ITIH3: variants seen among roughly 807,000 people sequenced by gnomAD.
ITIH3 encodes inter-alpha-trypsin inhibitor heavy chain 3, also known as inter-alpha-trypsin inhibitor heavy chain H3.
In ITIH3, 81 loss-of-function variants were observed where a neutral mutation model predicts 96.5. That is an observed-to-expected ratio of 0.84 (90% CI 0.70 to 1.01). The LOEUF (loss-of-function observed/expected upper bound fraction) is 1.01, where lower values mean the gene tolerates loss of function less well. ITIH3 is among the 50% of genes least tolerant of loss of function. The pLI is 0.00. For missense variants in ITIH3, 1,057 were observed against 1,139.3 expected (o/e 0.93, Z 1.04); for synonymous variants, 422 against 445.2 (o/e 0.95, Z 0.66).
chr3:52,796,681 G>C (rs540985064), intron 3 of ITIH3, 34 bp downstream of exon 3: 2 of 1,606,008 alleles, frequency 1.2e-6, no homozygotes, highest in African/African-American at 1.3e-5. Context: ...CTCTGGGCTC[G>C]GGAACAGGGG....
Position 52,803,266 on chromosome 3 carries a change from TTTTATTTATTTA to T in ITIH3, c.1709+492_1709+503del, listed in dbSNP as rs146326248. On this transcript the variant is annotated intron_variant, in intron 13 of 21. Transcript: ENST00000449956. ...TGCGAGTGGCTGTTGTAGCCCCTTA[TTTTATTTATTTA>T]TTTATTTATTTATTTATTTATTTAT... is the stretch of plus-strand genomic sequence containing the variant. Among the ~76,000 whole-genome samples, 1,004 of 142,632 alleles carry T rather than the reference TTTTATTTATTTA, an allele frequency of 7.0e-3. 9 individuals carry two copies. The highest frequency in any genetic ancestry group is 0.021 in the African/African-American group (829 of 39,786). 93.6% of individuals were successfully genotyped at this position (142,632 alleles called of 152,430 possible).
In ITIH3 at chr3:52,797,190, G is replaced by A. The variant is rs1699621678; in HGVS notation, c.472G>A (p.Glu158Lys). 2 of 1,609,132 alleles carry A rather than the reference G, an allele frequency of 1.2e-6. No individual in the cohort carries two copies. The highest frequency in any genetic ancestry group is 2.7e-5 in the African/African-American group (2 of 74,960). The change falls in exon 5 of 22, where the codon GAG becomes AAG. Residue 158 changes from glutamate (E) to lysine (K), a missense_variant. Coordinates refer to ENST00000449956, the MANE Select transcript of ITIH3 (RefSeq NM_002217.4). ...AGTCACCTTCGAGCTAACCTACGAG[G>A]AGCTGCTGAAGAGGCACAAGGGCAA... is the stretch of plus-strand genomic sequence containing the variant. ...SKVTFELTYE[E>K]LLKRHKGKYE...
chr3:52,795,985 CA>C, intron 2 of ITIH3: 1 of 281,718 alleles, frequency 3.5e-6, no homozygotes, highest in African/African-American at 2.2e-5. Flanking sequence ...TAGAGCCTCT[CA>C]AAATTCAACA....
intron 7 of ITIH3, 130 bp from the exon 8 acceptor site, chr3:52,799,242 G>A: frequency 8.3e-7 from 1 of 1,197,892 alleles, no homozygotes; most frequent in South Asian, 1.5e-5. Flanking sequence ...GCCTGGTGCA[G>A]CACCCCCTAG....
rs764525489 is a variant in ITIH3 at position 52,808,115 on chromosome 3, T to C, written c.2437T>C (p.Phe813Leu). Residue 813 changes from phenylalanine (F) to leucine (L), a missense_variant, in exon 21 of 22, where the codon TTC (phenylalanine) becomes CTC (leucine). Coordinates refer to ENST00000449956, the MANE Select transcript of ITIH3 (RefSeq NM_002217.4). ...SAQTHGLLGQFFQPFDFKVSD... is the reference protein window; with the variant it reads ...SAQTHGLLGQLFQPFDFKVSD... ...ATGAATATTTTTCTTCCCAGGGCAA[T>C]TCTTCCAACCCTTTGACTTTAAAGT... 2 of 1,613,966 alleles carry C rather than the reference T, an allele frequency of 1.2e-6. No individual in the cohort carries two copies. Among genetic ancestry groups the C allele is most frequent in the African/African-American group, 2.7e-5 (2 of 74,938 alleles).
At chr3:52,796,905 AAAC>A (rs962349689) in intron 4 of ITIH3, 62 bp downstream of exon 4, 63 of 1,246,614 alleles carry the variant, frequency 5.1e-5, no homozygotes, top group South Asian at 4.8e-4. Flanking sequence ...TCAGGGCTAC[AAAC>A]AACAACAACA....
At chr3:52,799,153 GCTGGATCTAGTGCCATCAC>G (rs1699711448) in intron 7 of ITIH3, 62 bp downstream of exon 7, 2 of 1,581,588 alleles carry the variant, frequency 1.3e-6, no homozygotes. Flanking sequence ...GGGGGCTGCA[GCTGGATCTAGTGCCATCAC>G]CCTGGGTCCT....
intron 13 of ITIH3, 48 bp from the exon 14 acceptor site, chr3:52,803,807 C>A (rs1699937853): frequency 1.2e-6 from 2 of 1,601,960 alleles, no homozygotes; most frequent in African/African-American, 2.7e-5. Context: ...GGGAAGTGGG[C>A]AGGGTGCTGC....
Position 52,796,231 on chromosome 3 carries a change from C to G in ITIH3, c.115-250C>G, listed in dbSNP as rs116388986. ...CTGGACGGGAAAGGGCAAGCTCTCA[C>G]TGGCTGCAGTGGTGTGTAAACGGAT... On this transcript the variant is annotated intron_variant, in intron 2 of 21. Transcript: ENST00000449956. Among the ~76,000 whole-genome samples the G allele has an allele frequency of 5.0e-3, 760 of 152,306 alleles. 8 individuals are homozygous for G. The highest frequency in any genetic ancestry group is 0.018 in the African/African-American group (731 of 41,568).
chr3:52,807,671 C>T, intron 19 of ITIH3, 76 bp from the exon 20 acceptor site: 1 of 1,474,140 alleles, frequency 6.8e-7, no homozygotes, highest in Non-Finnish European at 9.2e-7. Context: ...GGAGGCCCCA[C>T]CAAAACGCCC....
intron 6 of ITIH3, among the ~76,000 whole-genome samples, 188 bp downstream of exon 6, chr3:52,798,118 GGCT>G (rs1699667661): frequency 6.6e-6 from 1 of 152,158 alleles, no homozygotes; most frequent in East Asian, 1.9e-4. Context: ...TGAGGGCAGG[GGCT>G]GCTGACAATG....
At chr3:52,804,388 C>A (rs1699961691) in intron 14 of ITIH3, 1 of 432,392 alleles carries the variant, frequency 2.3e-6, no homozygotes. Flanking sequence ...GGGAAGAGTC[C>A]CTGAGAGCTG....
In ITIH3 at chr3:52,794,910, C is replaced by T. The variant is rs1286588078; in HGVS notation, c.93+14C>T. The T allele has an allele frequency of 2.5e-6, 4 of 1,604,716 alleles. No homozygotes were observed. In the Admixed American group the frequency reaches 6.7e-5, roughly 27 times the overall value. On this transcript the variant is annotated intron_variant, in intron 1 of 21. Transcript: ENST00000449956. ...CGGCTGCTTGGGGTGAGTCTGCCCC[C>T]TCTTTGCCATCTGGGTCTTGGTGTG...
chr3:52,802,738 C>T lies in ITIH3; in HGVS notation c.1641C>T (p.Asp547=). ...TGGAGAAGGCCCTGCAGGAGCGGGA[C>T]TACATCTTCGGGAATTACATTGAGC... The part of the protein sequence containing the change: ...KEMEKALQER[D]YIFGNYIERL... The change falls in exon 13 of 22, where the codon GAC becomes GAT. Residue 547 remains aspartate, a synonymous_variant. Coordinates refer to ENST00000449956, the MANE Select transcript of ITIH3 (RefSeq NM_002217.4). 6.2e-7 allele frequency: 1 copy of T among 1,614,004 alleles called. No homozygotes were observed. Among genetic ancestry groups the T allele is most frequent in the South Asian group, 1.1e-5 (1 of 91,088 alleles).
chr3:52,797,366 C>T, intron 5 of ITIH3, 99 bp downstream of exon 5: 1 of 1,236,382 alleles, frequency 8.1e-7, no homozygotes, highest in African/African-American at 1.5e-5. Context: ...AAAGTTCTGC[C>T]TCACGGCATC....
rs761546398 is a variant in ITIH3 at position 52,806,359 on chromosome 3, AT to A, written c.2010del (p.Asp670GlufsTer57). On this transcript the variant is annotated frameshift_variant, in exon 18 of 22. Transcript: ENST00000449956. LOFTEE classifies it high-confidence loss of function. ...GACGATGCCCTCTGCTTCAACATCGATGAAGCCCCAGGCACAGTGCTGCGCC... is the reference window on the plus strand; with the variant it reads ...GACGATGCCCTCTGCTTCAACATCGAGAAGCCCCAGGCACAGTGCTGCGCC... ...EKDDALCFNI[D>X]EAPGTVLRLI... 1.2e-6 allele frequency: 2 copies of A among 1,613,910 alleles called. No homozygotes were observed. The highest frequency in any genetic ancestry group is 8.5e-7 in the Non-Finnish European group (1 of 1,179,848).
In ITIH3 at chr3:52,797,923, G is replaced by C. The variant is rs1045746634; in HGVS notation, c.656G>C (p.Gly219Ala). The C allele has an allele frequency of 2.5e-6, 4 of 1,588,852 alleles. No homozygotes were observed. The highest frequency in any genetic ancestry group is 3.4e-6 in the Non-Finnish European group (4 of 1,166,276). ...AGCGCCCTCACCAAGTCCTTCTCAGGGAAAAAGGTGATGTAGATGCCTCTC... is the reference window on the plus strand; with the variant it reads ...AGCGCCCTCACCAAGTCCTTCTCAGCGAAAAAGGTGATGTAGATGCCTCTC... ...LGSALTKSFS[G>A]KKGHVSFKPS... The change falls in exon 6 of 22, where the codon GGG becomes GCG. Residue 219 changes from glycine to alanine, a missense_variant. Transcript: ENST00000449956.
chr3:52,803,888 C>T lies in ITIH3; in HGVS notation c.1743C>T (p.Leu581=), dbSNP rs1559473096. The T allele has an allele frequency of 6.2e-7, 1 of 1,614,034 alleles. No homozygotes were observed. The highest frequency in any genetic ancestry group is 2.2e-5 in the East Asian group (1 of 44,882). Reference sequence around the variant, plus strand: ...CCCATGGCGAGGAGAAGGAGAACCTCACGGCCCGGGCCCTGGACCTGTCCC... The same window carrying T: ...CCCATGGCGAGGAGAAGGAGAACCTTACGGCCCGGGCCCTGGACCTGTCCC... ...KNAHGEEKEN[L]TARALDLSLK... The change falls in exon 14 of 22, where the codon CTC becomes CTT. Residue 581 remains leucine (L), a synonymous_variant. Transcript: ENST00000449956.
rs369134306 is a variant in ITIH3 at position 52,797,116 on chromosome 3, G to A, written c.398G>A (p.Arg133Lys). 2.2e-5 allele frequency: 36 copies of A among 1,609,386 alleles called. No homozygotes were observed. The Middle Eastern group carries it at 3.3e-3, about 147-fold the overall frequency. Residue 133 changes from arginine (R) to lysine (K), a missense_variant, in exon 5 of 22, where the codon AGG becomes AAG. Transcript: ENST00000449956. ...KTAGLVKASG[R>K]KLEKFTVSVN... ...CGCACCCTGGTCAGGGCCTCTGGGAGGAAGTTGGAGAAGTTCACAGTCTCG... is the reference window on the plus strand; with the variant it reads ...CGCACCCTGGTCAGGGCCTCTGGGAAGAAGTTGGAGAAGTTCACAGTCTCG...
Sources: gnomAD v4.1 joint callset for allele counts (sites outside exome capture counted in the v4.1 genomes callset) on GRCh38, gnomAD v4.1.1 for gene constraint, MANE v1.5 for transcripts, NCBI Gene and HGNC (gene_info 2026-07-23, HGNC 2026-07-21) for gene names.